Variants in SYNE2 observed in about 807,000 individuals in gnomAD.
SYNE2 encodes spectrin repeat containing nuclear envelope protein 2, also known as nesprin-2.
A neutral mutation model predicts 856.3 loss-of-function variants in SYNE2; 431 were observed. The ratio of observed to expected loss-of-function variants is 0.50; its 90% CI spans 0.47 to 0.55. SYNE2 has a LOEUF of 0.55. Ranked by LOEUF, SYNE2 falls within the 20% of genes least tolerant of loss-of-function variation. SYNE2 has a pLI of 0.00. For synonymous variants in SYNE2, 2,923 were observed against 2,872.3 expected (o/e 1.02, Z -0.56); for missense variants, 8,129 against 8,023.2 (o/e 1.01, Z -0.50).
At chr14:64,181,596 G>C (rs1359979033) in intron 96 of SYNE2, among the ~76,000 whole-genome samples, 1 of 152,164 alleles carries the variant, frequency 6.6e-6, no homozygotes, top group Admixed American at 6.5e-5. Flanking sequence ...ATTCTGAAAA[G>C]ATCCCAAGTA....
rs372617436 is a variant in SYNE2, at chr14:64,010,077, G to A, written c.4689G>A (p.Ser1563=). 24 of 1,613,618 alleles carry A rather than the reference G, an allele frequency of 1.5e-5. No homozygotes were observed. The highest frequency in any genetic ancestry group is 8.8e-5 in the South Asian group (8 of 91,006). ...KEESVISLQA[S]YMGKENLKKR... is the part of the protein sequence containing the mutation. ...AGAGTGTCATCTCCCTGCAGGCTTC[G>A]TACATGGGAAAGGAGAACCTGAAGA... The change falls in exon 32 of 116, where the codon TCG becomes TCA. Residue 1563 remains serine, a synonymous_variant. Transcript: ENST00000555002.
intron 63 of SYNE2, chr14:64,099,047 A>G (rs2097700208): frequency 1.9e-6 from 1 of 522,830 alleles, no homozygotes; most frequent in Admixed American, 3.0e-5. Flanking sequence ...TCTTGTTGGC[A>G]TACGGGAGAA....
At chr14:64,011,138 C>T (rs1280694436) in intron 32 of SYNE2, among the ~76,000 whole-genome samples, 3 of 46,498 alleles carry the variant, frequency 6.5e-5, no homozygotes, top group African/African-American at 1.1e-4. Flanking sequence ...GCTCAAATGA[C>T]ACCCAGAGTG....
At chr14:63,780,925 G>A (rs1230249758) in intron 1 of SYNE2, among the ~76,000 whole-genome samples, 2 of 152,176 alleles carry the variant, frequency 1.3e-5, no homozygotes, top group African/African-American at 2.4e-5. Flanking sequence ...TTTCTGGGGT[G>A]ATGGGAATGT....
chr14:64,170,265 C>G lies in SYNE2; in HGVS notation c.17038C>G (p.Arg5680Gly), dbSNP rs143377752. 2 of 1,613,958 alleles carry G rather than the reference C, an allele frequency of 1.2e-6. No homozygotes were observed. The highest frequency in any genetic ancestry group is 1.7e-6 in the Non-Finnish European group (2 of 1,180,048). ...FITEFSKLTD[R>G]WQNAVQGVRQ... ...TACAGAATTCTCAAAGCTGACGGATCGGTGGCAGAATGCTGTCCAGGGTGT... is the reference window on the plus strand; with the variant it reads ...TACAGAATTCTCAAAGCTGACGGATGGGTGGCAGAATGCTGTCCAGGGTGT... The change falls in exon 94 of 116, where the codon CGG (arginine) becomes GGG (glycine). Residue 5680 changes from arginine to glycine, a missense_variant. Physicochemically the swap from Arg to Gly is moderately radical, Grantham distance 125 (BLOSUM62 -2). Around this residue, in one of 3 missense-constraint regions of SYNE2, gnomAD observed 5,410 missense variants for 5,284.8 expected, o/e 1.02. Coordinates refer to ENST00000555002, the MANE Select transcript of SYNE2 (RefSeq NM_182914.3).
intron 96 of SYNE2, among the ~76,000 whole-genome samples, chr14:64,180,733 A>G (rs144459294): frequency 1.3e-3 from 192 of 152,092 alleles, no homozygotes; most frequent in African/African-American, 4.4e-3. Flanking sequence ...CTAACTCCCA[A>G]CCTCAGGTGA....
intron 32 of SYNE2, among the ~76,000 whole-genome samples, chr14:64,014,972 T>C (rs34624028): frequency 0.35 from 28,856 of 81,516 alleles, 4,088 homozygotes; most frequent in Non-Finnish European, 0.39. Context: ...TATATATATA[T>C]ATACACACAC....
At chr14:63,960,450 A>G (rs150251959) in intron 8 of SYNE2, among the ~76,000 whole-genome samples, 39 of 152,330 alleles carry the variant, frequency 2.6e-4, no homozygotes, top group African/African-American at 8.7e-4. Context: ...TCTAGCATCT[A>G]CTAGCTGAAT....
intron 6 of SYNE2, among the ~76,000 whole-genome samples, chr14:63,948,782 G>GTATATATATA (rs3062027): frequency 1.7e-3 from 73 of 43,864 alleles, no homozygotes; most frequent in Non-Finnish European, 2.4e-3. Flanking sequence ...ATGTGTGTGT[G>GTATATATATA]TATATATATA....
intron 10 of SYNE2, 44 bp downstream of exon 10, chr14:63,964,044 A>C (rs1595906476): frequency 1.7e-6 from 2 of 1,200,654 alleles, no homozygotes; most frequent in South Asian, 1.3e-5. Context: ...ACCTTTTAAG[A>C]GTTGAGCGTA....
At chr14:63,928,308 A>G (rs1329457963) in intron 2 of SYNE2, among the ~76,000 whole-genome samples, 1 of 152,174 alleles carries the variant, frequency 6.6e-6, no homozygotes, top group Admixed American at 6.5e-5. Flanking sequence ...CTTTTTTCCC[A>G]TAGTGATAAC....
chr14:63,812,438 G>A (rs920173138), intron 1 of SYNE2, among the ~76,000 whole-genome samples: 7 of 152,000 alleles, frequency 4.6e-5, no homozygotes, highest in African/African-American at 1.2e-4. Context: ...TCAAACACAC[G>A]TTTTACAATC....
intron 1 of SYNE2, among the ~76,000 whole-genome samples, chr14:63,847,571 A>T (rs1245908560): frequency 6.6e-6 from 1 of 151,996 alleles, no homozygotes; most frequent in Non-Finnish European, 1.5e-5. Context: ...GCTTGGGAAG[A>T]AAGTATGTTC....
chr14:64,092,247 T>G (rs1595461123), intron 60 of SYNE2, among the ~76,000 whole-genome samples: 1 of 152,288 alleles, frequency 6.6e-6, no homozygotes, highest in African/African-American at 2.4e-5. Context: ...GAAGAGGCAG[T>G]TCTGTTTTGT....
chr14:64,173,983 CTGCTCTGCAGGAGCAGTCA>C, intron 94 of SYNE2: 1 of 681,614 alleles, frequency 1.5e-6, no homozygotes. Flanking sequence ...CGGAGCGGCC[CTGCTCTGCAGGAGCAGTCA>C]CGGAGCTGTA....
chr14:64,215,082 T>G (rs1245266809), intron 106 of SYNE2, among the ~76,000 whole-genome samples: 1 of 152,048 alleles, frequency 6.6e-6, no homozygotes, highest in Non-Finnish European at 1.5e-5. Flanking sequence ...AGACTGAGCT[T>G]CTCCCTTTGA....
At chr14:63,831,917 C>G (rs1236750050) in intron 1 of SYNE2, among the ~76,000 whole-genome samples, 1 of 151,952 alleles carries the variant, frequency 6.6e-6, no homozygotes, top group Non-Finnish European at 1.5e-5. Flanking sequence ...ATTTTAAAAA[C>G]TAACTAGAAA....
chr14:64,074,823 A>G (rs2097444242), intron 53 of SYNE2, among the ~76,000 whole-genome samples: 1 of 151,894 alleles, frequency 6.6e-6, no homozygotes, highest in African/African-American at 2.4e-5. Context: ...TGGACCCAGT[A>G]GGTGGTGGTT....
chr14:64,133,205 C>CA lies in SYNE2; in HGVS notation c.14514+778dup, dbSNP rs34419403. 1.1e-3 allele frequency among the ~76,000 whole-genome samples: 143 copies of CA among 127,782 alleles called. 1 individual carries two copies. The highest frequency in any genetic ancestry group is 1.5e-3 in the South Asian group (6 of 3,978). The allele number at this position is 127,782 out of a possible 152,430, so 83.8% of individuals were successfully genotyped here. The stretch of plus-strand genomic sequence containing the variant: ...TGGGCGACAGAGCGAGACTCTGTCT[C>CA]AAAAAAAAAAAGAAAAAAGGAAGGA... On this transcript the variant is annotated intron_variant, in intron 77 of 115. Coordinates refer to ENST00000555002, the MANE Select transcript of SYNE2 (RefSeq NM_182914.3).
Sources: allele counts gnomAD v4.1 joint callset (sites outside exome capture counted in the v4.1 genomes callset), GRCh38; gene constraint gnomAD v4.1.1; regional missense constraint gnomAD v4.1.1; transcripts MANE v1.5; gene names NCBI Gene and HGNC (gene_info 2026-07-23, HGNC 2026-07-21).